Variants in UBE2E3 observed in about 807,000 individuals in gnomAD.
UBE2E3 encodes ubiquitin conjugating enzyme E2 E3.
In UBE2E3, 5 loss-of-function variants were observed where a neutral mutation model predicts 23.6. The ratio of observed to expected loss-of-function variants is 0.21; its 90% CI spans 0.11 to 0.44. The LOEUF is 0.44. Among genes scored for constraint, UBE2E3 ranks in the 20% least tolerant of loss-of-function variants. The pLI is 0.99. For missense variants in UBE2E3, 81 were observed against 249.8 expected (o/e 0.32, Z 4.55); for synonymous variants, 78 against 87.5 (o/e 0.89, Z 0.60).
chr2:180,992,337 T>C (rs1438161777), intron 3 of UBE2E3, among the ~76,000 whole-genome samples: 1 of 152,218 alleles, frequency 6.6e-6, no homozygotes, highest in Non-Finnish European at 1.5e-5. Flanking sequence ...ACACAAGTAT[T>C]AAGTAATACT....
chr2:181,038,729 T>TA (rs1234354502), intron 3 of UBE2E3, among the ~76,000 whole-genome samples: 2 of 151,278 alleles, frequency 1.3e-5, no homozygotes, highest in African/African-American at 2.5e-5. Context: ...AGTCTTAACA[T>TA]ACAAGTCTTA....
chr2:181,030,849 TTCTC>T (rs1314175426), intron 3 of UBE2E3, among the ~76,000 whole-genome samples: 1 of 152,172 alleles, frequency 6.6e-6, no homozygotes, highest in Non-Finnish European at 1.5e-5. Flanking sequence ...TATTTCTGTC[TTCTC>T]TCTGTCTTGT....
chr2:181,055,582 G>GTCTTTGGGTACA (rs2105477915), intron 3 of UBE2E3, among the ~76,000 whole-genome samples: 2 of 151,862 alleles, frequency 1.3e-5, no homozygotes, highest in South Asian at 4.2e-4. Context: ...TAAACTAGGT[G>GTCTTTGGGTACA]TCTTTGGGTA....
intron 3 of UBE2E3, among the ~76,000 whole-genome samples, chr2:181,056,460 C>T (rs1166672590): frequency 6.6e-6 from 1 of 151,702 alleles, no homozygotes; most frequent in Admixed American, 6.6e-5. Context: ...AGGCAGGCAT[C>T]AAGTGCAAAG....
At position 180,982,096 on chromosome 2, in the gene UBE2E3, C is replaced by G; in HGVS notation, c.54C>G (p.Gly18=). Residue 18 remains glycine (G), a synonymous_variant, in exon 2 of 6, where the codon GGC becomes GGG. Transcript: ENST00000410062. ...ATGAGAGCCCCAGCACCAGCAGTGG[C>G]AGTTCAGATGCGGACCAGCGAGACC... The part of the protein sequence containing the change: ...SDDESPSTSS[G]SSDADQRDPA... 1 of 1,610,804 alleles carries G rather than the reference C, an allele frequency of 6.2e-7. No individual in the cohort carries two copies. The highest frequency in any genetic ancestry group is 1.1e-5 in the South Asian group (1 of 90,806).
chr2:181,038,891 T>C (rs1162864886), intron 3 of UBE2E3, among the ~76,000 whole-genome samples: 2 of 152,062 alleles, frequency 1.3e-5, no homozygotes, highest in Admixed American at 6.6e-5. Flanking sequence ...ACATACTGAC[T>C]AGAATGGTTA....
At chr2:181,025,643 A>G (rs1316222126) in intron 3 of UBE2E3, among the ~76,000 whole-genome samples, 3 of 151,908 alleles carry the variant, frequency 2.0e-5, no homozygotes, top group African/African-American at 4.8e-5. Flanking sequence ...AAATGAGGGA[A>G]ATATAGGGCC....
At chr2:181,002,040 A>C (rs1325191678) in intron 3 of UBE2E3, among the ~76,000 whole-genome samples, 1 of 152,184 alleles carries the variant, frequency 6.6e-6, no homozygotes. Flanking sequence ...CCCAAGCAGC[A>C]GACAGTACAG....
chr2:180,982,035 T>C lies in UBE2E3; in HGVS notation c.-8T>C. 6.3e-7 allele frequency: 1 copy of C among 1,598,674 alleles called. No homozygotes were observed. The highest frequency in any genetic ancestry group is 8.5e-7 in the Non-Finnish European group (1 of 1,174,900). ...TTTAAAAGTTTTCCAAGAGATAACTTCACCAAGATGTCCAGTGATAGGCAA... is the reference window on the plus strand; with the variant it reads ...TTTAAAAGTTTTCCAAGAGATAACTCCACCAAGATGTCCAGTGATAGGCAA... On this transcript the variant is annotated 5_prime_UTR_variant, in exon 2 of 6. Transcript: ENST00000410062.
rs1023787222 is a variant in UBE2E3 at position 181,063,331 on chromosome 2, G to A, written c.*443G>A. The A allele has an allele frequency of 1.1e-4, 17 of 152,118 alleles. No individual in the cohort carries two copies. The highest frequency in any genetic ancestry group is 4.1e-4 in the African/African-American group (17 of 41,338). 9.4% of individuals were successfully genotyped at this position (152,118 alleles called of 1,614,324 possible). On this transcript the variant is annotated 3_prime_UTR_variant, in exon 6 of 6. Coordinates refer to ENST00000410062, the MANE Select transcript of UBE2E3 (RefSeq NM_006357.4). This position sits in a 1 kb window ranked among gnomAD's most constrained non-coding sequence, Gnocchi z 4.1. Reference sequence around the variant, plus strand: ...GAAAAATGTTTTACCTTTTACCTTTGTCAGTTTGTAATGAGAGGATTTCCT... The same window carrying A: ...GAAAAATGTTTTACCTTTTACCTTTATCAGTTTGTAATGAGAGGATTTCCT...
intron 3 of UBE2E3, among the ~76,000 whole-genome samples, chr2:180,990,484 A>T (rs1043476395): frequency 6.6e-6 from 1 of 152,144 alleles, no homozygotes; most frequent in South Asian, 2.1e-4. Flanking sequence ...CACCTTCCTC[A>T]GCTGATTCTT....
chr2:180,989,054 A>G (rs951103282), intron 3 of UBE2E3, among the ~76,000 whole-genome samples: 2 of 152,184 alleles, frequency 1.3e-5, no homozygotes, highest in African/African-American at 4.8e-5. Flanking sequence ...AGTTTGTATT[A>G]TTAGTTTTAT....
intron 3 of UBE2E3, among the ~76,000 whole-genome samples, chr2:180,988,652 C>A (rs1684557554): frequency 6.6e-6 from 1 of 152,100 alleles, no homozygotes; most frequent in Admixed American, 6.6e-5. Flanking sequence ...GCATTCTTTC[C>A]ATGTCTGTGA....
intron 3 of UBE2E3, among the ~76,000 whole-genome samples, chr2:181,054,112 A>G (rs931148786): frequency 6.6e-6 from 1 of 151,826 alleles, no homozygotes; most frequent in Non-Finnish European, 1.5e-5. Context: ...TAACATCTTG[A>G]TCACCTTCAA....
chr2:181,043,391 A>C (rs924176391), intron 3 of UBE2E3, among the ~76,000 whole-genome samples: 26 of 152,230 alleles, frequency 1.7e-4, no homozygotes, highest in African/African-American at 6.0e-4. Context: ...AGTGTGTTCA[A>C]ATCTGTTTCA....
chr2:181,012,554 C>A (rs1178584853), intron 3 of UBE2E3, among the ~76,000 whole-genome samples: 1 of 152,146 alleles, frequency 6.6e-6, no homozygotes, highest in African/African-American at 2.4e-5. Flanking sequence ...CACATTGTCA[C>A]ATAAGCACAC....
chr2:180,987,453 A>C (rs1684516544), intron 3 of UBE2E3: 2 of 1,509,322 alleles, frequency 1.3e-6, no homozygotes, highest in Non-Finnish European at 1.8e-6. Context: ...GCACAAATAT[A>C]CTGACGAATA....
At chr2:181,025,883 T>C (rs1048340124) in intron 3 of UBE2E3, among the ~76,000 whole-genome samples, 2 of 151,986 alleles carry the variant, frequency 1.3e-5, no homozygotes, top group Non-Finnish European at 2.9e-5. Context: ...CTACTTTATA[T>C]GGAAACAAAT....
intron 3 of UBE2E3, among the ~76,000 whole-genome samples, chr2:181,026,274 A>G (rs907850130): frequency 1.3e-5 from 2 of 151,896 alleles, no homozygotes; most frequent in Non-Finnish European, 3.0e-5. Flanking sequence ...GCAAATATAG[A>G]TTACATATTC....
Sources: gnomAD v4.1 joint callset for allele counts (sites outside exome capture counted in the v4.1 genomes callset) on GRCh38, gnomAD v4.1.1 for gene constraint, Gnocchi (gnomAD v3.1) non-coding constraint, MANE v1.5 for transcripts, NCBI Gene and HGNC (gene_info 2026-07-23, HGNC 2026-07-21) for gene names.